Variants in AGBL1 observed in about 807,000 individuals in gnomAD.
The protein encoded by AGBL1 is cytosolic carboxypeptidase 4.
Under a neutral mutation model 118.9 loss-of-function variants are expected in AGBL1, and 130 were observed. That is an observed-to-expected ratio of 1.09 (90% CI 0.95 to 1.26). The LOEUF (loss-of-function observed/expected upper bound fraction) is 1.26, where lower values mean the gene tolerates loss of function less well. AGBL1 is among the 50% of genes most tolerant of loss of function. The probability of loss-of-function intolerance (pLI) is 0.00; values close to 1 mark genes in which losing one functional copy is unlikely to be tolerated. For missense variants in AGBL1, 1,584 were observed against 1,298.1 expected, an observed-to-expected ratio of 1.22 and a Z score of -3.38; for synonymous variants, 555 against 478.9, an observed-to-expected ratio of 1.16 and a Z score of -2.08.
At chr15:86,129,695 A>G (rs895030089) in intron 1 of AGBL1, among the ~76,000 whole-genome samples, 3 of 152,164 alleles carry the variant, frequency 2.0e-5, no homozygotes, top group South Asian at 2.1e-4. Flanking sequence ...ACTGCTAAAC[A>G]TCTTGCAATA....
intron 17 of AGBL1, among the ~76,000 whole-genome samples, chr15:86,331,615 C>T (rs138498171): frequency 1.8e-4 from 28 of 152,322 alleles, no homozygotes; most frequent in African/African-American, 5.1e-4. Context: ...ACAGCAGAAA[C>T]TTTACAAGCC....
intron 15 of AGBL1, among the ~76,000 whole-genome samples, chr15:86,275,324 C>T (rs2079233078): frequency 6.6e-6 from 1 of 152,160 alleles, no homozygotes; most frequent in Admixed American, 6.5e-5. Context: ...ATCATGCATC[C>T]TTCCATGGGA....
chr15:86,481,221 G>T (rs2082648146), intron 18 of AGBL1, among the ~76,000 whole-genome samples: 1 of 151,466 alleles, frequency 6.6e-6, no homozygotes, highest in Admixed American at 6.6e-5. Flanking sequence ...TAAGGATATT[G>T]AGTACCTACT....
At chr15:86,967,322 T>G (rs1051992196) in intron 23 of AGBL1, among the ~76,000 whole-genome samples, 1 of 152,178 alleles carries the variant, frequency 6.6e-6, no homozygotes, top group Non-Finnish European at 1.5e-5. Context: ...CAGAAGCTCT[T>G]TAGTTTAATT....
intron 17 of AGBL1, among the ~76,000 whole-genome samples, chr15:86,323,644 G>A (rs1908786): frequency 0.63 from 95,483 of 151,974 alleles, 30,965 homozygotes; most frequent in African/African-American, 0.78. Flanking sequence ...TGTGGTTTAA[G>A]TGGTCTTAGG....
chr15:86,683,015 C>G (rs887342948), intron 22 of AGBL1, among the ~76,000 whole-genome samples: 8 of 152,144 alleles, frequency 5.3e-5, no homozygotes, highest in African/African-American at 1.7e-4. Context: ...TTGCCTAACT[C>G]CATGGCTCAA....
intron 18 of AGBL1, among the ~76,000 whole-genome samples, chr15:86,437,987 C>G (rs774652540): frequency 1.3e-5 from 2 of 152,112 alleles, no homozygotes; most frequent in African/African-American, 2.4e-5. Flanking sequence ...CTTACTGCAA[C>G]CTTTGCCTCC....
chr15:86,534,612 A>G (rs1193556584), intron 19 of AGBL1, among the ~76,000 whole-genome samples: 1 of 152,148 alleles, frequency 6.6e-6, no homozygotes, highest in African/African-American at 2.4e-5. Context: ...TGTTTGTTAG[A>G]GAGTCCAGAT....
At chr15:86,225,113 C>T (rs1362011541) in intron 6 of AGBL1, among the ~76,000 whole-genome samples, 162 bp downstream of exon 6, 6 of 149,532 alleles carry the variant, frequency 4.0e-5, no homozygotes, top group Admixed American at 1.3e-4. Context: ...AAAGTCATGT[C>T]GTGGGTCTTT....
At chr15:86,478,761 A>T (rs1422624410) in intron 18 of AGBL1, among the ~76,000 whole-genome samples, 1 of 152,124 alleles carries the variant, frequency 6.6e-6, no homozygotes, top group Admixed American at 6.6e-5. Flanking sequence ...CCAAAAAAGA[A>T]CCCACATTGC....
intron 18 of AGBL1, among the ~76,000 whole-genome samples, chr15:86,520,878 C>A (rs183575324): frequency 6.4e-4 from 97 of 152,314 alleles, no homozygotes; most frequent in Non-Finnish European, 1.3e-3. Context: ...TGCTTGGGAG[C>A]AAGTCTGGGC....
chr15:86,365,725 A>G (rs11073631), intron 17 of AGBL1, among the ~76,000 whole-genome samples: 120,462 of 152,000 alleles, frequency 0.79, 48,689 homozygotes, highest in African/African-American at 0.88. Context: ...CTTTCTAAGA[A>G]CCTTTAAGCT....
intron 22 of AGBL1, among the ~76,000 whole-genome samples, chr15:86,852,271 T>C (rs2079418240): frequency 2.6e-5 from 4 of 152,064 alleles, no homozygotes; most frequent in Admixed American, 2.6e-4. Context: ...AACCATCAGG[T>C]CCTGTGAGAA....
chr15:86,339,799 T>C (rs1184051968), intron 17 of AGBL1, among the ~76,000 whole-genome samples: 6 of 152,050 alleles, frequency 3.9e-5, no homozygotes, highest in African/African-American at 1.4e-4. Flanking sequence ...AAACCCCGTC[T>C]CTATTAAAAG....
At chr15:86,870,704 G>A (rs1211818201) in intron 22 of AGBL1, among the ~76,000 whole-genome samples, 1 of 152,084 alleles carries the variant, frequency 6.6e-6, no homozygotes, top group Non-Finnish European at 1.5e-5. Flanking sequence ...AAATGAGTGG[G>A]AGAAATCATG....
intron 17 of AGBL1, among the ~76,000 whole-genome samples, chr15:86,387,967 G>T (rs1351277984): frequency 6.6e-6 from 1 of 152,194 alleles, no homozygotes; most frequent in Non-Finnish European, 1.5e-5. Context: ...GAGGGACAGG[G>T]TCTGGGGCTA....
chr15:86,722,035 T>C (rs1166249245), intron 22 of AGBL1, among the ~76,000 whole-genome samples: 2 of 152,116 alleles, frequency 1.3e-5, no homozygotes, highest in Admixed American at 6.5e-5. Context: ...GAACATTCCA[T>C]GCTCATGGGT....
chr15:86,365,008 T>TACACAC (rs1567219535), intron 17 of AGBL1, among the ~76,000 whole-genome samples: 3 of 116,832 alleles, frequency 2.6e-5, no homozygotes, highest in African/African-American at 1.0e-4. Context: ...CATATATATA[T>TACACAC]ACACACACAT....
chr15:86,133,873 T>G (rs530293084), intron 1 of AGBL1, among the ~76,000 whole-genome samples: 1 of 152,360 alleles, frequency 6.6e-6, no homozygotes, highest in East Asian at 1.9e-4. Context: ...TCTTAACATT[T>G]TGTTACAAAA....
Sources: gnomAD v4.1 joint callset for allele counts (sites outside exome capture counted in the v4.1 genomes callset) on GRCh38, gnomAD v4.1.1 for gene constraint, MANE v1.5 for transcripts, NCBI Gene and HGNC (gene_info 2026-07-23, HGNC 2026-07-21) for gene names.